Variants in PRELID2 observed in about 807,000 individuals in gnomAD.
PRELID2 encodes PRELI domain-containing protein 2.
In PRELID2, 25 loss-of-function variants were observed where a neutral mutation model predicts 28.4. That is an observed-to-expected ratio of 0.88 (90% CI 0.64 to 1.23). PRELID2 has a LOEUF of 1.23. Ranked by LOEUF, PRELID2 falls within the 50% of genes most tolerant of loss-of-function variation. The pLI is 0.00. For missense variants in PRELID2, 201 were observed against 214.4 expected, an observed-to-expected ratio of 0.94 and a Z score of 0.39; for synonymous variants, 76 against 71.6, an observed-to-expected ratio of 1.06 and a Z score of -0.31.
At chr5:145,628,614 G>C (rs779903564) in intron 1 of PRELID2, among the ~76,000 whole-genome samples, 3 of 152,120 alleles carry the variant, frequency 2.0e-5, no homozygotes, top group African/African-American at 7.2e-5. Context: ...ATGAGCCACC[G>C]CACCCAGCTG....
chr5:145,763,861 A>C lies in PRELID2; in HGVS notation c.*10+1070T>G, dbSNP rs139358056. ...GGGAGGCTGAGGCAGGTGGATCACG[A>C]AGTCAGGAGTTCAAGACCAGCCTGG... On this transcript the variant is annotated intron_variant, in intron 6 of 6. Transcript: ENST00000683046. Among the ~76,000 whole-genome samples the C allele has an allele frequency of 6.4e-3, 968 of 152,298 alleles. 8 individuals are homozygous for C. The highest frequency in any genetic ancestry group is 0.022 in the African/African-American group (933 of 41,566).
chr5:145,317,776 C>T, the PRELID2 span, among the ~76,000 whole-genome samples: 2 of 152,162 alleles, frequency 1.3e-5, no homozygotes, highest in Non-Finnish European at 2.9e-5. Context: ...ACACCTGCTC[C>T]CTGTGGCTCA....
chr5:145,795,898 C>T (rs568307219), intron 5 of PRELID2: 2 of 152,394 alleles, frequency 1.3e-5, no homozygotes, highest in South Asian at 2.1e-4. Context: ...AGAACTCCAA[C>T]ATGGCTTCTG....
intron 2 of PRELID2, among the ~76,000 whole-genome samples, chr5:145,821,193 C>G (rs1475031396): frequency 7.4e-3 from 856 of 115,550 alleles, no homozygotes; most frequent in Middle Eastern, 8.5e-3. Context: ...AAGTCCTCTT[C>G]TGTGTGTGTG....
downstream of PRELID2, among the ~76,000 whole-genome samples, chr5:145,752,746 T>C (rs959956903): frequency 1.3e-5 from 2 of 152,162 alleles, no homozygotes; most frequent in Non-Finnish European, 2.9e-5. Context: ...TTTGGGGTGA[T>C]TCATTCATTA....
intron 1 of PRELID2, among the ~76,000 whole-genome samples, chr5:145,532,724 T>TCTGTGC (rs1309432841): frequency 3.1e-4 from 47 of 152,264 alleles, no homozygotes; most frequent in Non-Finnish European, 2.9e-5. Flanking sequence ...TATTTGTCTT[T>TCTGTGC]CTGTGCCTGG....
chr5:145,480,997 C>A (rs555696288), intron 1 of PRELID2, among the ~76,000 whole-genome samples: 2 of 152,296 alleles, frequency 1.3e-5, no homozygotes, highest in Admixed American at 1.3e-4. Context: ...TGTAACTAGA[C>A]CTCTTACTCC....
the PRELID2 span, among the ~76,000 whole-genome samples, chr5:145,373,495 AT>A: frequency 7.4e-5 from 2 of 26,882 alleles, no homozygotes; most frequent in Admixed American, 7.0e-4. Context: ...TATATATGAT[AT>A]TATATATTAC....
At chr5:145,307,781 C>T in the PRELID2 span, among the ~76,000 whole-genome samples, 112 of 152,002 alleles carry the variant, frequency 7.4e-4, no homozygotes, top group African/African-American at 2.6e-3. Flanking sequence ...AAAAGCAAGA[C>T]CATTGGAGCA....
chr5:145,593,654 T>C (rs914512011), intron 1 of PRELID2, among the ~76,000 whole-genome samples: 7 of 152,170 alleles, frequency 4.6e-5, no homozygotes, highest in Non-Finnish European at 1.0e-4. Flanking sequence ...AAATCCTGCC[T>C]TTACCACATG....
At chr5:145,823,277 AATTTT>A in intron 1 of PRELID2, 143 bp from the exon 2 acceptor site, 1 of 560,218 alleles carries the variant, frequency 1.8e-6, no homozygotes, top group Non-Finnish European at 3.2e-6. Flanking sequence ...CATGGATCTT[AATTTT>A]ATAACTTGGG....
intron 1 of PRELID2, among the ~76,000 whole-genome samples, chr5:145,521,901 CAT>C (rs1752565959): frequency 1.3e-5 from 2 of 152,154 alleles, no homozygotes; most frequent in Non-Finnish European, 2.9e-5. Context: ...TGTATTTGAC[CAT>C]AGAAAGTTGC....
At chr5:145,781,658 CACACTATATATATACACTTATATATAT>C (rs1561600775) in intron 5 of PRELID2, among the ~76,000 whole-genome samples, 1 of 140,832 alleles carries the variant, frequency 7.1e-6, no homozygotes, top group African/African-American at 2.7e-5. Context: ...ACTATATATA[CACACTATATATATACACTTATATATAT>C]ACACTATATA....
the PRELID2 span, among the ~76,000 whole-genome samples, chr5:145,389,427 C>T: frequency 6.6e-6 from 1 of 152,102 alleles, no homozygotes; most frequent in Non-Finnish European, 1.5e-5. Context: ...CACCAAAGCC[C>T]AAATGTCAAT....
the PRELID2 span, among the ~76,000 whole-genome samples, chr5:145,234,757 T>G: frequency 2.0e-5 from 3 of 152,098 alleles, no homozygotes; most frequent in African/African-American, 7.2e-5. Flanking sequence ...CCTCAAGAAA[T>G]AGAGTCTACC....
intron 1 of PRELID2, among the ~76,000 whole-genome samples, chr5:145,583,998 A>G (rs538267305): frequency 6.6e-6 from 1 of 152,284 alleles, no homozygotes; most frequent in African/African-American, 2.4e-5. Flanking sequence ...CTAAGCAAAA[A>G]GAACAAAGCT....
At chr5:145,241,063 T>G in the PRELID2 span, among the ~76,000 whole-genome samples, 54 of 152,088 alleles carry the variant, frequency 3.6e-4, no homozygotes, top group African/African-American at 1.1e-3. Context: ...CTTAGGGTTG[T>G]TCTCAGAATT....
intron 5 of PRELID2, among the ~76,000 whole-genome samples, chr5:145,790,372 G>A (rs184155480): frequency 6.6e-6 from 1 of 152,224 alleles, no homozygotes; most frequent in East Asian, 1.9e-4. Flanking sequence ...AGAACATTAT[G>A]TTAAGTGAAA....
At chr5:145,732,645 C>T (rs1359664991) in intron 1 of PRELID2, among the ~76,000 whole-genome samples, 1 of 152,174 alleles carries the variant, frequency 6.6e-6, no homozygotes, top group Non-Finnish European at 1.5e-5. Flanking sequence ...AGTTTCTTGA[C>T]CTGAGGCCTA....
Sources: allele counts gnomAD v4.1 joint callset (sites outside exome capture counted in the v4.1 genomes callset), GRCh38; gene constraint gnomAD v4.1.1; transcripts MANE v1.5; gene names NCBI Gene and HGNC (gene_info 2026-07-23, HGNC 2026-07-21).